Variants in PRKD1 observed in about 807,000 individuals in gnomAD.
The protein encoded by PRKD1 is protein kinase D1.
A neutral mutation model predicts 95.9 loss-of-function variants in PRKD1; 63 were observed. The ratio of observed to expected loss-of-function variants is 0.66; its 90% confidence interval spans 0.54 to 0.81. The LOEUF (loss-of-function observed/expected upper bound fraction) is 0.81, where lower values mean the gene tolerates loss of function less well. PRKD1 is among the 30% of genes least tolerant of loss of function. The pLI is 0.00. For synonymous variants in PRKD1, 425 were observed against 423.1 expected (o/e 1.00, Z -0.05); for missense variants, 1,048 against 1,165.3 (o/e 0.90, Z 1.47).
In PRKD1 at chr14:29,838,440, C is replaced by A. The variant is rs1167880984; in HGVS notation, c.264+88809G>T. Among the ~76,000 whole-genome samples, 6 of 152,198 alleles carry A rather than the reference C, an allele frequency of 3.9e-5. No homozygotes were observed. In the East Asian group the frequency reaches 1.2e-3, roughly 29 times the overall value. On this transcript the variant is annotated intron_variant, in intron 1 of 17. Transcript: ENST00000331968. ...ATAGAATTGAGGCCCCCTGTATAATCCTTCCAAGAAATTAGTTAGAAATAT... is the reference window on the plus strand; with the variant it reads ...ATAGAATTGAGGCCCCCTGTATAATACTTCCAAGAAATTAGTTAGAAATAT...
At chr14:29,615,463 C>A (rs10140936) in intron 13 of PRKD1, among the ~76,000 whole-genome samples, 140,254 of 152,314 alleles carry the variant, frequency 0.92, 65,082 homozygotes, top group Non-Finnish European at 0.98. Flanking sequence ...GCTTTTAAAA[C>A]CTGTTTATGT....
At chr14:29,909,029 G>C (rs1350609725) in intron 1 of PRKD1, among the ~76,000 whole-genome samples, 1 of 152,186 alleles carries the variant, frequency 6.6e-6, no homozygotes, top group Non-Finnish European at 1.5e-5. Context: ...GGCTGCGAGT[G>C]GCGCTCACGG....
rs991576639 is a variant in PRKD1 at position 29,838,694 on chromosome 14, G to GAT, written c.264+88553_264+88554dup. ...GGGTACAGGGATCTATATATAAGAG[G>GAT]ATATATATATAAATGCAAGATATAA... is the stretch of plus-strand genomic sequence containing the variant. On this transcript the variant is annotated intron_variant, in intron 1 of 17. Coordinates refer to ENST00000331968, the MANE Select transcript of PRKD1 (RefSeq NM_002742.3). Among the ~76,000 whole-genome samples the GAT allele has an allele frequency of 2.8e-3, 427 of 151,974 alleles. 1 individual carries two copies. Among genetic ancestry groups the GAT allele is most frequent in the African/African-American group, 9.6e-3 (400 of 41,470 alleles).
intron 10 of PRKD1, among the ~76,000 whole-genome samples, chr14:29,629,924 G>A (rs543775706): frequency 4.6e-4 from 70 of 151,950 alleles, no homozygotes; most frequent in African/African-American, 1.4e-3. Flanking sequence ...AGCTGAAGCT[G>A]GCTAGATTTC....
At chr14:29,689,969 C>T (rs184832930) in intron 2 of PRKD1, among the ~76,000 whole-genome samples, 38 of 152,134 alleles carry the variant, frequency 2.5e-4, no homozygotes, top group African/African-American at 8.4e-4. Flanking sequence ...GGCCTGTCAC[C>T]GGGTTGTAGG....
intron 1 of PRKD1, among the ~76,000 whole-genome samples, chr14:29,900,033 A>G (rs912498864): frequency 1.3e-5 from 2 of 152,214 alleles, no homozygotes; most frequent in African/African-American, 2.4e-5. Context: ...TTCACCTTCC[A>G]GTATTACTGT....
chr14:29,920,023 AG>A (rs1566672192), intron 1 of PRKD1, among the ~76,000 whole-genome samples: 23 of 114,416 alleles, frequency 2.0e-4, no homozygotes, highest in Admixed American at 1.2e-3. Flanking sequence ...GAGGGAAGGA[AG>A]GAAGGAAGGA....
Position 29,852,080 on chromosome 14 carries a change from G to C in PRKD1, c.264+75169C>G, listed in dbSNP as rs191877014. Reference sequence around the variant, plus strand: ...GAACAACAGACACTGGAGACTACAAGGCGGGAAATGATGGAGAGAAACAAG... The same window carrying C: ...GAACAACAGACACTGGAGACTACAACGCGGGAAATGATGGAGAGAAACAAG... On this transcript the variant is annotated intron_variant, in intron 1 of 17. Coordinates refer to ENST00000331968, the MANE Select transcript of PRKD1 (RefSeq NM_002742.3). 4.6e-5 allele frequency among the ~76,000 whole-genome samples: 7 copies of C among 152,160 alleles called. No individual in the cohort carries two copies. The East Asian group carries it at 9.7e-4, about 21-fold the overall frequency.
chr14:29,652,092 C>T (rs921567163), intron 4 of PRKD1, among the ~76,000 whole-genome samples: 10 of 151,960 alleles, frequency 6.6e-5, no homozygotes, highest in Non-Finnish European at 1.3e-4. Flanking sequence ...TATGAGCAGT[C>T]GGTAATTAAG....
At chr14:29,698,751 G>C (rs1335018915) in intron 2 of PRKD1, among the ~76,000 whole-genome samples, 1 of 151,842 alleles carries the variant, frequency 6.6e-6, no homozygotes, top group Non-Finnish European at 1.5e-5. Context: ...TGACTTAATC[G>C]TGGTCTCTTT....
chr14:29,718,660 G>T (rs1442815702), intron 2 of PRKD1, among the ~76,000 whole-genome samples: 1 of 152,140 alleles, frequency 6.6e-6, no homozygotes, highest in Non-Finnish European at 1.5e-5. Flanking sequence ...CACCTGCAAA[G>T]AAAATTGCAA....
intron 1 of PRKD1, among the ~76,000 whole-genome samples, chr14:29,794,444 C>G (rs1273159748): frequency 6.6e-6 from 1 of 152,010 alleles, no homozygotes; most frequent in Non-Finnish European, 1.5e-5. Flanking sequence ...CACATACACA[C>G]TCTTTGAAAT....
At chr14:29,652,782 A>G (rs1881594759) in intron 4 of PRKD1, 1 of 152,242 alleles carries the variant, frequency 6.6e-6, no homozygotes, top group Non-Finnish European at 1.5e-5. Flanking sequence ...TCCAGAACAC[A>G]AGAGTTAAGT....
chr14:29,660,879 T>C (rs1451675775), intron 4 of PRKD1, among the ~76,000 whole-genome samples: 2 of 152,110 alleles, frequency 1.3e-5, no homozygotes, highest in Non-Finnish European at 2.9e-5. Flanking sequence ...AAGAATCTGC[T>C]GAGTTTTTCT....
intron 1 of PRKD1, among the ~76,000 whole-genome samples, chr14:29,896,623 C>T (rs889052895): frequency 2.6e-5 from 4 of 151,282 alleles, no homozygotes; most frequent in African/African-American, 7.3e-5. Context: ...ACCAAGTAAA[C>T]GTATCTGTCA....
intron 1 of PRKD1, among the ~76,000 whole-genome samples, chr14:29,873,828 A>T (rs1893195047): frequency 6.6e-6 from 1 of 151,702 alleles, no homozygotes; most frequent in Admixed American, 6.6e-5. Flanking sequence ...TATATAAATT[A>T]TTTTAATAAA....
intron 1 of PRKD1, among the ~76,000 whole-genome samples, chr14:29,847,377 A>G (rs1421322605): frequency 2.6e-5 from 4 of 152,154 alleles, no homozygotes; most frequent in African/African-American, 9.7e-5. Flanking sequence ...ATTTCTCCAT[A>G]TACAACATGA....
chr14:29,887,704 C>A (rs1369763507), intron 1 of PRKD1, among the ~76,000 whole-genome samples: 1 of 152,074 alleles, frequency 6.6e-6, no homozygotes, highest in Non-Finnish European at 1.5e-5. Context: ...TTTAATTGTA[C>A]CTTTTATATA....
At chr14:29,736,222 C>A (rs547501957) in intron 1 of PRKD1, among the ~76,000 whole-genome samples, 5 of 152,158 alleles carry the variant, frequency 3.3e-5, no homozygotes, top group Non-Finnish European at 7.3e-5. Context: ...TAGATTGTTC[C>A]TTTTATTACT....
Sources: allele counts gnomAD v4.1 joint callset (sites outside exome capture counted in the v4.1 genomes callset), GRCh38; gene constraint gnomAD v4.1.1; transcripts MANE v1.5; gene names NCBI Gene and HGNC (gene_info 2026-07-23, HGNC 2026-07-21).